DNAH8: variants seen among roughly 807,000 people sequenced by gnomAD.
DNAH8 encodes the protein dynein axonemal heavy chain 8.
Under a neutral mutation model 562.1 loss-of-function variants are expected in DNAH8, and 382 were observed. The observed-to-expected ratio is 0.68, with a 90% CI of 0.63 to 0.74. DNAH8 has a LOEUF of 0.74. DNAH8 is among the 30% of genes least tolerant of loss of function. DNAH8 has a pLI of 0.00. For synonymous variants in DNAH8, 1,881 were observed against 1,919.4 expected (o/e 0.98, Z 0.52); for missense variants, 5,203 against 5,620.4 (o/e 0.93, Z 2.37).
chr6:38,984,609 G>A (rs1764256934), intron 87 of DNAH8, among the ~76,000 whole-genome samples: 1 of 152,076 alleles, frequency 6.6e-6, no homozygotes. Flanking sequence ...TGGCCAATAT[G>A]GTGAAACCCC....
At chr6:39,017,618 C>T (rs75229927) in intron 91 of DNAH8, among the ~76,000 whole-genome samples, 14,821 of 152,100 alleles carry the variant, frequency 0.097, 860 homozygotes, top group Admixed American at 0.18. Context: ...ATTTAGATGC[C>T]AAATTGTGCC....
intron 6 of DNAH8, among the ~76,000 whole-genome samples, chr6:38,737,576 A>C (rs1455510250): frequency 1.3e-5 from 2 of 151,434 alleles, no homozygotes; most frequent in Non-Finnish European, 2.9e-5. Context: ...GTTAAAATGT[A>C]CAATTTTATC....
chr6:38,753,904 C>T (rs1008453708), intron 9 of DNAH8, among the ~76,000 whole-genome samples: 1 of 152,130 alleles, frequency 6.6e-6, no homozygotes, highest in African/African-American at 2.4e-5. Context: ...AGCATTGAGT[C>T]ATATAATTGC....
intron 82 of DNAH8, among the ~76,000 whole-genome samples, chr6:38,961,607 C>A (rs755432875): frequency 6.6e-6 from 1 of 151,986 alleles, no homozygotes; most frequent in Non-Finnish European, 1.5e-5. Flanking sequence ...AGCTATCATA[C>A]TGTTATCTTG....
chr6:38,866,404 T>A (rs1442273518), intron 45 of DNAH8, among the ~76,000 whole-genome samples, 187 bp from the exon 46 acceptor site: 1 of 152,160 alleles, frequency 6.6e-6, no homozygotes, highest in Non-Finnish European at 1.5e-5. Flanking sequence ...AATGGAAATA[T>A]ATAAAAGGGC....
rs147891859 is a variant in DNAH8 at position 38,756,097 on chromosome 6, G to A, written c.1515+18G>A. ...TTATCAAGGTAAGTTTCTGTGGGAGGAAATTACATGTCATCCTGTGAAAAA... is the reference window on the plus strand; with the variant it reads ...TTATCAAGGTAAGTTTCTGTGGGAGAAAATTACATGTCATCCTGTGAAAAA... On this transcript the variant is annotated intron_variant, in intron 10 of 92. Coordinates refer to ENST00000327475, the MANE Select transcript of DNAH8 (RefSeq NM_001206927.2). 4.7e-4 allele frequency: 642 copies of A among 1,377,860 alleles called. 11 individuals are homozygous for A. In the East Asian group the frequency reaches 0.013, roughly 28 times the overall value. The allele number at this position is 1,377,860 out of a possible 1,614,324, so 85.4% of individuals were successfully genotyped here. A position where few individuals can be genotyped will look rare whatever the true frequency, so the allele number is the denominator to read the frequency against.
intron 4 of DNAH8, among the ~76,000 whole-genome samples, chr6:38,730,943 G>A (rs182575577): frequency 2.4e-4 from 37 of 152,254 alleles, no homozygotes; most frequent in Non-Finnish European, 4.6e-4. Context: ...CTCCAGCAGA[G>A]CCCTTCCCAG....
intron 13 of DNAH8, among the ~76,000 whole-genome samples, chr6:38,777,140 C>T (rs1411656011): frequency 2.6e-5 from 4 of 152,072 alleles, no homozygotes; most frequent in Non-Finnish European, 2.9e-5. Flanking sequence ...GTTTTTGAAA[C>T]TTAGACTCTT....
At chr6:39,010,206 G>A (rs1013080200) in intron 89 of DNAH8, among the ~76,000 whole-genome samples, 2 of 152,094 alleles carry the variant, frequency 1.3e-5, no homozygotes, top group East Asian at 1.9e-4. Flanking sequence ...TGTACTAAGA[G>A]ACATCTAAAA....
chr6:38,776,218 T>A (rs1329201309), intron 13 of DNAH8, among the ~76,000 whole-genome samples: 2 of 66,588 alleles, frequency 3.0e-5, no homozygotes, highest in Non-Finnish European at 5.5e-5. Context: ...GCTAGGATTC[T>A]TTTTTTTTTT....
rs532227875 is a variant in DNAH8, at chr6:38,929,838, A to G, written c.11274+172A>G. Among the ~76,000 whole-genome samples the G allele has an allele frequency of 3.2e-4, 48 of 152,296 alleles. No individual in the cohort carries two copies. The highest frequency in any genetic ancestry group is 9.1e-4 in the African/African-American group (38 of 41,582). Reference sequence around the variant, plus strand: ...GGCAGTAGTATTTGGTACGTCGGAAATAAACTATTTCCAGACTGATACTTC... The same window carrying G: ...GGCAGTAGTATTTGGTACGTCGGAAGTAAACTATTTCCAGACTGATACTTC... On this transcript the variant is annotated intron_variant, in intron 75 of 92. Transcript: ENST00000327475.
At chr6:38,808,913 G>A (rs1446978233) in intron 24 of DNAH8, among the ~76,000 whole-genome samples, 1 of 151,966 alleles carries the variant, frequency 6.6e-6, no homozygotes, top group Non-Finnish European at 1.5e-5. Flanking sequence ...ACACAGGGAG[G>A]GGAACATCAC....
chr6:38,892,369 T>C (rs1779394417), intron 58 of DNAH8, among the ~76,000 whole-genome samples: 1 of 152,208 alleles, frequency 6.6e-6, no homozygotes, highest in African/African-American at 2.4e-5. Flanking sequence ...AGTTACCATG[T>C]CCAAACAGAA....
intron 35 of DNAH8, among the ~76,000 whole-genome samples, chr6:38,843,637 AAAC>A (rs761485007): frequency 2.4e-3 from 359 of 152,336 alleles, no homozygotes; most frequent in Non-Finnish European, 2.9e-3. Flanking sequence ...ACTCCAAATT[AAAC>A]ATAAAGATGT....
intron 41 of DNAH8, among the ~76,000 whole-genome samples, chr6:38,854,056 A>G (rs888867772): frequency 1.3e-5 from 2 of 152,086 alleles, no homozygotes; most frequent in African/African-American, 4.8e-5. Context: ...ATATGTATAT[A>G]TATACACCAA....
At chr6:38,968,638 A>G (rs901622196) in intron 82 of DNAH8, among the ~76,000 whole-genome samples, 3 of 152,300 alleles carry the variant, frequency 2.0e-5, no homozygotes, top group South Asian at 4.1e-4. Context: ...AACAGCAAGT[A>G]TTGGTAAGGA....
chr6:38,799,338 G>A (rs192842913), intron 21 of DNAH8, among the ~76,000 whole-genome samples: 2 of 151,986 alleles, frequency 1.3e-5, no homozygotes, highest in African/African-American at 4.8e-5. Context: ...TCTTCTCGGT[G>A]ACCTTGTTCC....
chr6:38,902,949 A>G (rs764378902), intron 62 of DNAH8, among the ~76,000 whole-genome samples: 28 of 152,236 alleles, frequency 1.8e-4, no homozygotes, highest in Admixed American at 3.3e-4. Context: ...GAGCTGCCCT[A>G]TACACGAGTA....
intron 11 of DNAH8, among the ~76,000 whole-genome samples, chr6:38,766,210 GAA>G (rs1562704931): frequency 6.6e-6 from 1 of 151,812 alleles, no homozygotes; most frequent in Non-Finnish European, 1.5e-5. Flanking sequence ...TACAAAGAAG[GAA>G]ATATTGTCAT....
Sources: gnomAD v4.1 joint callset for allele counts (sites outside exome capture counted in the v4.1 genomes callset) on GRCh38, gnomAD v4.1.1 for gene constraint, MANE v1.5 for transcripts, NCBI Gene and HGNC (gene_info 2026-07-23, HGNC 2026-07-21) for gene names.